Variants in NOP14 observed in about 807,000 individuals in gnomAD.
NOP14 encodes the protein NOP14 nucleolar protein.
In NOP14, 57 loss-of-function variants were observed where a neutral mutation model predicts 101.6. The ratio of observed to expected loss-of-function variants is 0.56; its 90% CI spans 0.45 to 0.70. The LOEUF (loss-of-function observed/expected upper bound fraction) is 0.70. NOP14 is among the 30% of genes least tolerant of loss of function. The pLI is 0.00. For missense variants in NOP14, 1,134 were observed against 1,075.5 expected (o/e 1.05, Z -0.76); for synonymous variants, 428 against 424.0 (o/e 1.01, Z -0.12).
Position 2,941,743 on chromosome 4 carries a change from A to T in NOP14, c.2052-14T>A, listed in dbSNP as rs1266426916. 1 of 1,609,084 alleles carries T rather than the reference A, an allele frequency of 6.2e-7. No individual in the cohort carries two copies. The highest frequency in any genetic ancestry group is 8.5e-7 in the Non-Finnish European group (1 of 1,178,418). ...AGGCAGGACAGTCTGTGAGGGCAGG[A>T]GGCAAGAGGAGGTCCAACTTGTTCT... On this transcript the variant is annotated splice_polypyrimidine_tract_variant and intron_variant, in intron 14 of 17. Transcript: ENST00000416614.
intron 14 of NOP14, 23 bp downstream of exon 14, chr4:2,942,169 C>G: frequency 6.2e-7 from 1 of 1,607,796 alleles, no homozygotes. Context: ...GCACAGGCCC[C>G]AAAGCGGGGT....
In NOP14 at chr4:2,963,396, G is replaced by A. The variant is rs1716340451; in HGVS notation, c.-77C>T. On this transcript the variant is annotated 5_prime_UTR_variant, in exon 1 of 18. Transcript: ENST00000416614. ...CGCGCTACCCTAAGACACGTGCCGG[G>A]CCGCGGAACCGCTTCCTCGTCTCGC... is the stretch of plus-strand genomic sequence containing the variant. 2.9e-6 allele frequency: 4 copies of A among 1,388,740 alleles called. No individual in the cohort carries two copies. The highest frequency in any genetic ancestry group is 3.3e-5 in the Admixed American group (1 of 29,970). The allele number at this position is 1,388,740 out of a possible 1,614,324, so 86.0% of individuals were successfully genotyped here. A position where few individuals can be genotyped will look rare whatever the true frequency, so the allele number is the denominator to read the frequency against.
At chr4:2,955,978 T>C (rs926069415) in intron 3 of NOP14, among the ~76,000 whole-genome samples, 2 of 152,240 alleles carry the variant, frequency 1.3e-5, no homozygotes, top group African/African-American at 4.8e-5. Flanking sequence ...TTTAGATTTG[T>C]ACACCTTTGT....
intron 9 of NOP14, among the ~76,000 whole-genome samples, chr4:2,947,883 A>G (rs1241144527): frequency 1.3e-5 from 2 of 152,388 alleles, no homozygotes; most frequent in East Asian, 1.9e-4. Context: ...CACGACGAGG[A>G]ACACGGGCAG....
intron 10 of NOP14, chr4:2,946,830 T>C (rs1440120142): frequency 4.4e-6 from 2 of 449,972 alleles, no homozygotes; most frequent in Admixed American, 7.5e-5. Context: ...AGCTGACAGC[T>C]CCAAGGCACT....
intron 11 of NOP14, among the ~76,000 whole-genome samples, chr4:2,946,053 G>A (rs1230500165): frequency 1.8e-5 from 1 of 56,876 alleles, no homozygotes; most frequent in African/African-American, 7.9e-5. Flanking sequence ...TCTCACTCCA[G>A]ATCACCCTCA....
intron 15 of NOP14, among the ~76,000 whole-genome samples, chr4:2,940,083 A>G (rs1207667093): frequency 6.6e-6 from 1 of 152,228 alleles, no homozygotes; most frequent in Non-Finnish European, 1.5e-5. Context: ...GGCCGTGTGC[A>G]TGCTAGAGCC....
chr4:2,940,521 G>T (rs1714080337), intron 15 of NOP14: 1 of 152,318 alleles, frequency 6.6e-6, no homozygotes, highest in Admixed American at 6.5e-5. Flanking sequence ...CCAGCAGGAA[G>T]TGGATACAGG....
At chr4:2,943,499 G>A (rs1022333322) in intron 13 of NOP14, among the ~76,000 whole-genome samples, 1 of 152,214 alleles carries the variant, frequency 6.6e-6, no homozygotes, top group Non-Finnish European at 1.5e-5. Context: ...GAAGGGGGAG[G>A]AGCACAGGGG....
chr4:2,938,846 T>C lies in NOP14; in HGVS notation c.2559A>G (p.Lys853=). 1 of 1,613,540 alleles carries C rather than the reference T, an allele frequency of 6.2e-7. No individual in the cohort carries two copies. The highest frequency in any genetic ancestry group is 8.5e-7 in the Non-Finnish European group (1 of 1,179,636). The change falls in exon 18 of 18, where the codon AAA becomes AAG. Residue 853 remains lysine, a synonymous_variant. Coordinates refer to ENST00000416614, the MANE Select transcript of NOP14 (RefSeq NM_001291978.2). The part of the protein sequence containing the change: ...QEGEWKALKR[K]KFKK ...AAAATGTAATTTATTTTTTGAACTTTTTCCTCTTCAGAGCCTTCCATTCGC... is the reference window on the plus strand; with the variant it reads ...AAAATGTAATTTATTTTTTGAACTTCTTCCTCTTCAGAGCCTTCCATTCGC...
At position 2,956,792 on chromosome 4, in the gene NOP14, C is replaced by T; in HGVS notation, c.350G>A (p.Ser117Asn). ...LEQQRHHEKK[S>N]IYNLNEDEEL... ...TTCATCTTCATTTAGATTGTAGATG[C>T]TTTTTTTCTCATGATGTCGCTGACA... The change falls in exon 3 of 18, where the codon AGC becomes AAC. Residue 117 changes from serine to asparagine, a missense_variant. Physicochemically the swap from Ser to Asn is conservative, Grantham distance 46. Coordinates refer to ENST00000416614, the MANE Select transcript of NOP14 (RefSeq NM_001291978.2). 6.2e-7 allele frequency: 1 copy of T among 1,603,828 alleles called. No homozygotes were observed. Among genetic ancestry groups the T allele is most frequent in the Non-Finnish European group, 8.5e-7 (1 of 1,177,470 alleles).
rs187533666 is a variant in NOP14 at position 2,946,345 on chromosome 4, T to A, written c.1635+67A>T. 8.2e-6 allele frequency: 13 copies of A among 1,588,744 alleles called. No individual in the cohort carries two copies. The Admixed American group carries it at 2.0e-4, about 25-fold the overall frequency. ...ACAGCCAAGAGCATCGTACCCGTCGTCCACCTTCTGTGATGCCAAACAGAA... is the reference window on the plus strand; with the variant it reads ...ACAGCCAAGAGCATCGTACCCGTCGACCACCTTCTGTGATGCCAAACAGAA... On this transcript the variant is annotated intron_variant, in intron 11 of 17. Coordinates refer to ENST00000416614, the MANE Select transcript of NOP14 (RefSeq NM_001291978.2).
chr4:2,941,445 C>G (rs1714177702), intron 15 of NOP14, 137 bp downstream of exon 15: 1 of 755,260 alleles, frequency 1.3e-6, no homozygotes, highest in African/African-American at 1.8e-5. Flanking sequence ...ATTTTACTTC[C>G]CTTCATATTT....
At chr4:2,941,170 G>A (rs886289843) in intron 15 of NOP14, 1 of 173,676 alleles carries the variant, frequency 5.8e-6, no homozygotes, top group Non-Finnish European at 1.2e-5. Context: ...ACTTGTTCTT[G>A]GGTCCAGCTG....
At chr4:2,940,386 C>T (rs1292263655) in intron 15 of NOP14, 6 of 152,300 alleles carry the variant, frequency 3.9e-5, no homozygotes, top group East Asian at 1.9e-4. Context: ...CGGAATGCCT[C>T]GTCTCCATGG....
chr4:2,954,662 G>T, intron 3 of NOP14, 99 bp from the exon 4 acceptor site: 1 of 1,415,274 alleles, frequency 7.1e-7, no homozygotes, highest in Non-Finnish European at 9.4e-7. Flanking sequence ...TAGTGGTCTG[G>T]AAAAGTCCAC....
chr4:2,955,908 GCC>G lies in NOP14; in HGVS notation c.472+760_472+761del, dbSNP rs535380457. ...TGGATTAGCCAAATATCAGAAGGCAGCCCCAGGCTTTAACGCCTTAACTTTCA... is the reference window on the plus strand; with the variant it reads ...TGGATTAGCCAAATATCAGAAGGCAGCCAGGCTTTAACGCCTTAACTTTCA... On this transcript the variant is annotated intron_variant, in intron 3 of 17. Coordinates refer to ENST00000416614, the MANE Select transcript of NOP14 (RefSeq NM_001291978.2). Among the ~76,000 whole-genome samples the G allele has an allele frequency of 2.5e-3, 386 of 152,326 alleles. 2 individuals are homozygous for G. The highest frequency in any genetic ancestry group is 0.02 in the Middle Eastern group (6 of 294).
intron 2 of NOP14, 68 bp from the exon 3 acceptor site, chr4:2,956,879 G>T: frequency 7.9e-7 from 1 of 1,272,994 alleles, no homozygotes; most frequent in South Asian, 1.4e-5. Flanking sequence ...AAAAAGATAA[G>T]GTAGATATAT....
In NOP14 at chr4:2,960,944, ATAT is replaced by A. The variant is rs58634172; in HGVS notation, c.195+2178_195+2180del. 1.8e-3 allele frequency among the ~76,000 whole-genome samples: 33 copies of A among 17,936 alleles called. 4 individuals are homozygous for A. Among genetic ancestry groups the A allele is most frequent in the South Asian group, 8.9e-3 (4 of 450 alleles). The allele number at this position is 17,936 out of a possible 152,430, so 11.8% of individuals were successfully genotyped here. A position where few individuals can be genotyped will look rare whatever the true frequency, so the allele number is the denominator to read the frequency against. On this transcript the variant is annotated intron_variant, in intron 1 of 17. Coordinates refer to ENST00000416614, the MANE Select transcript of NOP14 (RefSeq NM_001291978.2). ...TCGATATTATTTTAATATTATATCA[ATAT>A]TATTATATTAATATTATATCAATAT...
Sources: allele counts gnomAD v4.1 joint callset (sites outside exome capture counted in the v4.1 genomes callset), GRCh38; gene constraint gnomAD v4.1.1; transcripts MANE v1.5; gene names NCBI Gene and HGNC (gene_info 2026-07-23, HGNC 2026-07-21).